BFSP2: variants seen among roughly 807,000 people sequenced by gnomAD.
BFSP2 encodes beaded filament structural protein 2.
In BFSP2, 38 loss-of-function variants were observed where a neutral mutation model predicts 44.9. The ratio of observed to expected loss-of-function variants is 0.85; its 90% CI spans 0.65 to 1.11. The LOEUF (loss-of-function observed/expected upper bound fraction) is 1.11, where lower values mean the gene tolerates loss of function less well. BFSP2 is among the 50% of genes least tolerant of loss of function. The pLI is 0.00. For synonymous variants in BFSP2, 197 were observed against 209.9 expected, an observed-to-expected ratio of 0.94 and a Z score of 0.53; for missense variants, 525 against 533.0, an observed-to-expected ratio of 0.99 and a Z score of 0.15.
chr3:133,466,677 C>CAACAAAAA, intron 4 of BFSP2, 151 bp from the exon 5 acceptor site: 1 of 257,068 alleles, frequency 3.9e-6, no homozygotes, highest in Admixed American at 6.7e-5. Flanking sequence ...TTCATCTCAA[C>CAACAAAAA]AAAAAAAAAA....
Position 133,472,357 on chromosome 3 carries a change from G to A in BFSP2, c.1036G>A (p.Glu346Lys), listed in dbSNP as rs1460220084. 4.3e-6 allele frequency: 7 copies of A among 1,612,482 alleles called. No homozygotes were observed. The highest frequency in any genetic ancestry group is 1.3e-5 in the African/African-American group (1 of 74,950). Residue 346 changes from glutamate to lysine, a missense_variant, in exon 6 of 7, where the codon GAG becomes AAG. Transcript: ENST00000302334. The stretch of plus-strand genomic sequence containing the variant: ...CGCTCTTTTGTAGAAACGAGGCCTG[G>A]AGAACACCTTGCACGATGCCAAGCA... ...ESLRALKRGL[E>K]NTLHDAKHWH...
chr3:133,423,705 G>C (rs2073615601), intron 1 of BFSP2, among the ~76,000 whole-genome samples: 1 of 152,146 alleles, frequency 6.6e-6, no homozygotes, highest in Non-Finnish European at 1.5e-5. Context: ...TTTGAGATAG[G>C]GGTGTCCCGG....
intron 3 of BFSP2, 80 bp from the exon 4 acceptor site, chr3:133,450,223 A>G (rs1365891335): frequency 6.6e-7 from 1 of 1,513,810 alleles, no homozygotes; most frequent in South Asian, 1.1e-5. Context: ...TTGCCCACAG[A>G]GCTGGTTTTC....
At chr3:133,407,347 T>A (rs1007288843) in intron 1 of BFSP2, among the ~76,000 whole-genome samples, 2 of 152,166 alleles carry the variant, frequency 1.3e-5, no homozygotes, top group African/African-American at 4.8e-5. Context: ...TAGACAACAA[T>A]CAAATCTATC....
intron 1 of BFSP2, among the ~76,000 whole-genome samples, chr3:133,418,409 A>C (rs1488368363): frequency 6.6e-6 from 1 of 152,126 alleles, no homozygotes; most frequent in African/African-American, 2.4e-5. Flanking sequence ...CTCTCACATG[A>C]GGAGTAACTG....
At chr3:133,437,321 C>T (rs1051847376) in intron 1 of BFSP2, among the ~76,000 whole-genome samples, 2 of 152,070 alleles carry the variant, frequency 1.3e-5, no homozygotes, top group African/African-American at 4.8e-5. Flanking sequence ...GTTGGAAGTT[C>T]GAGACCAGCC....
At position 133,431,524 on chromosome 3, in the gene BFSP2, C is replaced by T. The variant is rs1408921923; in HGVS notation, c.490-15793C>T. Among the ~76,000 whole-genome samples, 4 of 152,304 alleles carry T rather than the reference C, an allele frequency of 2.6e-5. No homozygotes were observed. In the East Asian group the frequency reaches 5.8e-4, roughly 22 times the overall value. On this transcript the variant is annotated intron_variant, in intron 1 of 6. Coordinates refer to ENST00000302334, the MANE Select transcript of BFSP2 (RefSeq NM_003571.4). The stretch of plus-strand genomic sequence containing the variant: ...CGGACTGTTCAACTCACCTGGCAGC[C>T]ACTCCCAGAGCCCCTGGAACTCTGG...
Position 133,424,221 on chromosome 3 carries a change from T to G in BFSP2, c.490-23096T>G, listed in dbSNP as rs1258596209. ...CCACCGCGTCCAGCTAATTTTTTTT[T>G]TTTTTTTTTTTTTTTTTTTTGTATT... On this transcript the variant is annotated intron_variant, in intron 1 of 6. Coordinates refer to ENST00000302334, the MANE Select transcript of BFSP2 (RefSeq NM_003571.4). Among the ~76,000 whole-genome samples the G allele has an allele frequency of 2.8e-3, 297 of 105,414 alleles. 8 individuals are homozygous for G. Among genetic ancestry groups the G allele is most frequent in the African/African-American group, 0.017 (285 of 16,704 alleles). The allele number at this position is 105,414 out of a possible 152,430, so 69.2% of individuals were successfully genotyped here. A position where few individuals can be genotyped will look rare whatever the true frequency, so the allele number is the denominator to read the frequency against.
At chr3:133,458,735 G>A (rs1393854647) in intron 4 of BFSP2, among the ~76,000 whole-genome samples, 3 of 151,904 alleles carry the variant, frequency 2.0e-5, no homozygotes, top group Non-Finnish European at 4.4e-5. Context: ...AGACATTGTA[G>A]AGCGCTCTCT....
At chr3:133,444,652 C>T (rs988010101) in intron 1 of BFSP2, among the ~76,000 whole-genome samples, 1 of 152,108 alleles carries the variant, frequency 6.6e-6, no homozygotes, top group Admixed American at 6.5e-5. Context: ...TGAAACGGAG[C>T]GGTCACCCCT....
In BFSP2 at chr3:133,400,134, C is replaced by T. The variant is rs141310092; in HGVS notation, c.51C>T (p.Ser17=). ...ACTTGCCCACCAGTGCCAGCTCCAG[C>T]ATGCCCCTCCAGAGGCGCAGGGCGT... is the stretch of plus-strand genomic sequence containing the variant. ...VVDLPTSASS[S]MPLQRRRASF... Residue 17 remains serine (S), a synonymous_variant, in exon 1 of 7, where the codon AGC becomes AGT. Coordinates refer to ENST00000302334, the MANE Select transcript of BFSP2 (RefSeq NM_003571.4). This position sits in a 1 kb window ranked among gnomAD's most constrained non-coding sequence, Gnocchi z 4.0. The T allele has an allele frequency of 2.6e-5, 42 of 1,614,198 alleles. No individual in the cohort carries two copies. The African/African-American group carries it at 4.8e-4, about 18-fold the overall frequency.
At chr3:133,437,745 G>C (rs1422978917) in intron 1 of BFSP2, among the ~76,000 whole-genome samples, 1 of 152,208 alleles carries the variant, frequency 6.6e-6, no homozygotes, top group Non-Finnish European at 1.5e-5. Context: ...ATGGAAGATG[G>C]CTGAGCATGG....
At chr3:133,408,267 A>G (rs1219622352) in intron 1 of BFSP2, among the ~76,000 whole-genome samples, 1 of 152,224 alleles carries the variant, frequency 6.6e-6, no homozygotes, top group Non-Finnish European at 1.5e-5. Flanking sequence ...CTAATGTCTC[A>G]ACTGCACTCA....
intron 1 of BFSP2, among the ~76,000 whole-genome samples, chr3:133,403,286 T>A (rs2073376883): frequency 6.6e-6 from 1 of 152,134 alleles, no homozygotes; most frequent in African/African-American, 2.4e-5. Context: ...CTTTCCAGAC[T>A]CTGGGCTCTG....
chr3:133,469,848 G>C (rs2074145888), intron 5 of BFSP2, among the ~76,000 whole-genome samples: 1 of 152,216 alleles, frequency 6.6e-6, no homozygotes, highest in Non-Finnish European at 1.5e-5. Flanking sequence ...TGCCCTGTTG[G>C]CAGTGGGTCC....
At chr3:133,424,877 C>T (rs1265746577) in intron 1 of BFSP2, among the ~76,000 whole-genome samples, 2 of 152,290 alleles carry the variant, frequency 1.3e-5, no homozygotes, top group Admixed American at 6.5e-5. Flanking sequence ...TCAGGTGATC[C>T]GCTAGGCTCA....
At chr3:133,412,383 T>A (rs1042540777) in intron 1 of BFSP2, 1 of 152,200 alleles carries the variant, frequency 6.6e-6, no homozygotes, top group African/African-American at 2.4e-5. Context: ...GTTTGTGGAA[T>A]TGAATAAACT....
At chr3:133,416,602 C>G (rs1188377139) in intron 1 of BFSP2, among the ~76,000 whole-genome samples, 12 of 143,040 alleles carry the variant, frequency 8.4e-5, no homozygotes, top group Non-Finnish European at 1.6e-4. Context: ...ATACTCACCC[C>G]TGCCATCTCC....
At chr3:133,427,456 C>G (rs963672911) in intron 1 of BFSP2, among the ~76,000 whole-genome samples, 1 of 152,206 alleles carries the variant, frequency 6.6e-6, no homozygotes, top group Admixed American at 6.5e-5. Flanking sequence ...CTTGGTTTCC[C>G]AATCCAAGCC....
Sources: allele counts gnomAD v4.1 joint callset (sites outside exome capture counted in the v4.1 genomes callset), GRCh38; gene constraint gnomAD v4.1.1; non-coding constraint Gnocchi (gnomAD v3.1); transcripts MANE v1.5; gene names NCBI Gene and HGNC (gene_info 2026-07-23, HGNC 2026-07-21).